The following RGPD3 variants were observed in gnomAD, a reference collection of about 807,000 sequenced individuals.
The protein encoded by RGPD3 is ranBP2-like and GRIP domain-containing protein 3.
In RGPD3, 62 loss-of-function variants were observed where a neutral mutation model predicts 154.5. The ratio of observed to expected loss-of-function variants is 0.40; its 90% CI spans 0.33 to 0.50. RGPD3 has a LOEUF of 0.50. RGPD3 is among the 20% of genes least tolerant of loss of function. The probability of loss-of-function intolerance (pLI) is 0.59; values close to 1 mark genes in which losing one functional copy is unlikely to be tolerated. For missense variants in RGPD3, 919 were observed against 1,716.8 expected, an observed-to-expected ratio of 0.54 and a Z score of 8.21; for synonymous variants, 308 against 607.0, an observed-to-expected ratio of 0.51 and a Z score of 7.24.
intron 1 of RGPD3, among the ~76,000 whole-genome samples, chr2:106,465,644 T>G (rs933925186): frequency 4.0e-5 from 6 of 151,060 alleles, no homozygotes; most frequent in Admixed American, 2.6e-4. Flanking sequence ...ATTATTTACA[T>G]GTAAAGAGGA....
chr2:106,420,168 G>C (rs1445890931), intron 20 of RGPD3, among the ~76,000 whole-genome samples: 1 of 140,958 alleles, frequency 7.1e-6, no homozygotes, highest in East Asian at 2.0e-4. Flanking sequence ...GTTAACAATT[G>C]CCAAGAATGG....
At chr2:106,461,312 G>A (rs918668930) in intron 1 of RGPD3, among the ~76,000 whole-genome samples, 2 of 145,474 alleles carry the variant, frequency 1.4e-5, no homozygotes, top group African/African-American at 2.5e-5. Context: ...TTGCTCTTTG[G>A]TGCCATTTTA....
At chr2:106,432,503 G>T (rs62152465) in intron 17 of RGPD3, among the ~76,000 whole-genome samples, 20,049 of 125,940 alleles carry the variant, frequency 0.16, 1,835 homozygotes, top group South Asian at 0.25. Flanking sequence ...AAGGTATGTA[G>T]GCTGGGCACA....
rs1390986245 is a variant in RGPD3 at position 106,424,286 on chromosome 2, A to G, written c.3681T>C (p.Gly1227=). ...AEEENKGSGT[G]AAGASDTTIK... ...TTGTTGTGTCTGAGGCACCGGCCGCACCTGTACCTGAACCCTTATTTTCTT... is the reference window on the plus strand; with the variant it reads ...TTGTTGTGTCTGAGGCACCGGCCGCGCCTGTACCTGAACCCTTATTTTCTT... Residue 1227 remains glycine, a synonymous_variant, in exon 20 of 23, where the codon GGT becomes GGC. Transcript: ENST00000409886. The G allele has an allele frequency of 1.2e-6, 2 of 1,611,934 alleles. No homozygotes were observed. The highest frequency in any genetic ancestry group is 2.2e-5 in the South Asian group (2 of 90,972).
upstream of RGPD3, among the ~76,000 whole-genome samples, chr2:106,470,145 T>C (rs3209136): frequency 6.6e-6 from 1 of 152,176 alleles, no homozygotes; most frequent in Non-Finnish European, 1.5e-5. Flanking sequence ...GCCTAGCACA[T>C]AGAAAATGCC....
intron 20 of RGPD3, among the ~76,000 whole-genome samples, chr2:106,418,687 CCCA>C (rs1410596612): frequency 6.7e-6 from 1 of 149,910 alleles, no homozygotes; most frequent in African/African-American, 2.5e-5. Context: ...CCACCTCAGC[CCCA>C]CAAGTAGCTG....
intron 1 of RGPD3, among the ~76,000 whole-genome samples, chr2:106,462,509 C>G (rs1200967317): frequency 2.0e-5 from 3 of 150,890 alleles, no homozygotes; most frequent in African/African-American, 7.3e-5. Flanking sequence ...AAGCAAATAC[C>G]TGAATTCACT....
intron 6 of RGPD3, among the ~76,000 whole-genome samples, chr2:106,448,851 C>T (rs1279275794): frequency 4.6e-5 from 7 of 150,970 alleles, no homozygotes; most frequent in Non-Finnish European, 8.9e-5. Flanking sequence ...CCAACATGCC[C>T]AGCTAATTTT....
At chr2:106,422,781 C>T (rs1453267678) in intron 20 of RGPD3, among the ~76,000 whole-genome samples, 3 of 150,194 alleles carry the variant, frequency 2.0e-5, no homozygotes, top group East Asian at 2.0e-4. Flanking sequence ...AGCATGAGTC[C>T]GTACACTGTA....
intron 7 of RGPD3, among the ~76,000 whole-genome samples, chr2:106,444,676 T>C (rs1251719731): frequency 2.1e-5 from 3 of 145,800 alleles, no homozygotes; most frequent in Admixed American, 1.4e-4. Context: ...AATTTAACAA[T>C]GTAGCCAGGC....
At chr2:106,462,648 T>C (rs865987390) in intron 1 of RGPD3, among the ~76,000 whole-genome samples, 11 of 152,232 alleles carry the variant, frequency 7.2e-5, no homozygotes, top group South Asian at 6.2e-4. Flanking sequence ...AAACTTAACA[T>C]TTGTGGCCTA....
intron 9 of RGPD3, among the ~76,000 whole-genome samples, chr2:106,437,277 AT>A (rs1677585187): frequency 8.3e-6 from 1 of 121,106 alleles, no homozygotes; most frequent in African/African-American, 3.3e-5. Context: ...AAGAAAGTCA[AT>A]ATTGAAAAGG....
intron 7 of RGPD3, among the ~76,000 whole-genome samples, chr2:106,446,862 C>T (rs1558854862): frequency 6.6e-6 from 1 of 151,200 alleles, no homozygotes; most frequent in East Asian, 1.9e-4. Flanking sequence ...AGCCTGGCGA[C>T]AGAGAGAGAC....
chr2:106,466,339 T>C (rs1472264380), intron 1 of RGPD3, among the ~76,000 whole-genome samples: 2 of 150,078 alleles, frequency 1.3e-5, no homozygotes, highest in African/African-American at 4.9e-5. Context: ...TCAGGAGCCA[T>C]GACGCCTGAG....
At chr2:106,466,299 G>T (rs11689255) in intron 1 of RGPD3, among the ~76,000 whole-genome samples, 113,896 of 149,102 alleles carry the variant, frequency 0.76, 43,815 homozygotes, top group East Asian at 0.99. Flanking sequence ...GGCGGGCGCC[G>T]CAACAGAGCG....
chr2:106,407,371 T>A (rs1013902463), intron 22 of RGPD3, among the ~76,000 whole-genome samples: 1 of 152,096 alleles, frequency 6.6e-6, no homozygotes, highest in Non-Finnish European at 1.5e-5. Flanking sequence ...AAGGCATGAA[T>A]TTCTGGAGGA....
intron 9 of RGPD3, among the ~76,000 whole-genome samples, chr2:106,437,553 T>C (rs1677599976): frequency 6.6e-6 from 1 of 152,236 alleles, no homozygotes; most frequent in Non-Finnish European, 1.5e-5. Context: ...TATGCGCTTC[T>C]GGAAGCATGA....
rs375135462 is a variant in RGPD3, at chr2:106,405,033, T to C, written c.*186A>G. 2.3e-3 allele frequency: 1,653 copies of C among 709,646 alleles called. 23 individuals are homozygous for C. The African/African-American group carries it at 0.027, about 12-fold the overall frequency. The allele number at this position is 709,646 out of a possible 1,614,324, so 44.0% of individuals were successfully genotyped here. ...AAACTTTTAAAATACATCTGTCATA[T>C]AGATGTACAAATATATGTAAATGCA... On this transcript the variant is annotated 3_prime_UTR_variant, in exon 23 of 23. Coordinates refer to ENST00000409886, the MANE Select transcript of RGPD3 (RefSeq NM_001144013.2).
chr2:106,465,659 T>G (rs1678550190), intron 1 of RGPD3, among the ~76,000 whole-genome samples: 1 of 149,316 alleles, frequency 6.7e-6, no homozygotes, highest in African/African-American at 2.5e-5. Flanking sequence ...AGAGGAAAAA[T>G]ACCCTTAAAA....
Sources: gnomAD v4.1 joint callset for allele counts (sites outside exome capture counted in the v4.1 genomes callset) on GRCh38, gnomAD v4.1.1 for gene constraint, MANE v1.5 for transcripts, NCBI Gene and HGNC (gene_info 2026-07-23, HGNC 2026-07-21) for gene names.